Variants in TRPC1 observed in about 807,000 individuals in gnomAD.
The protein encoded by TRPC1 is transient receptor potential cation channel subfamily C member 1.
A neutral mutation model predicts 88.2 loss-of-function variants in TRPC1; 42 were observed. The observed-to-expected ratio is 0.48, with a 90% CI of 0.37 to 0.62. The LOEUF (loss-of-function observed/expected upper bound fraction) is 0.62. Among genes scored for constraint, TRPC1 ranks in the 20% least tolerant of loss-of-function variants. The pLI is 0.00. For synonymous variants in TRPC1, 288 were observed against 331.8 expected (o/e 0.87, Z 1.43); for missense variants, 699 against 957.3 (o/e 0.73, Z 3.56).
chr3:142,742,573 C>T (rs543974524), intron 2 of TRPC1, among the ~76,000 whole-genome samples: 2 of 151,840 alleles, frequency 1.3e-5, no homozygotes, highest in Non-Finnish European at 2.9e-5. Flanking sequence ...TATTAAAGAT[C>T]GATATAGTTT....
rs575528120 is a variant in TRPC1, at chr3:142,804,390, T to C, written c.1960-46T>C. ...TGTGGAAACATCCCCCATATTTGTG[T>C]GTGTATTAATATTCTAGTTTGCTTT... On this transcript the variant is annotated intron_variant, in intron 11 of 12. Transcript: ENST00000476941. 1.2e-5 allele frequency: 18 copies of C among 1,496,196 alleles called. No individual in the cohort carries two copies. In the Admixed American group the frequency reaches 2.9e-4, roughly 24 times the overall value. The allele number at this position is 1,496,196 out of a possible 1,614,324, so 92.7% of individuals were successfully genotyped here. A position where few individuals can be genotyped will look rare whatever the true frequency, so the allele number is the denominator to read the frequency against.
At chr3:142,795,827 TAGAC>T (rs991225386) in intron 9 of TRPC1, among the ~76,000 whole-genome samples, 10 of 152,076 alleles carry the variant, frequency 6.6e-5, no homozygotes, top group East Asian at 1.9e-4. Context: ...CAAAGCTAAA[TAGAC>T]AGGCATTTTT....
intron 1 of TRPC1, among the ~76,000 whole-genome samples, chr3:142,731,374 ATTTTTTTTTTT>A (rs59613066): frequency 1.0e-4 from 8 of 79,522 alleles, no homozygotes; most frequent in Middle Eastern, 8.1e-3. Context: ...ATATGTTTTG[ATTTTTTTTTTT>A]TTTTTTTTTT....
At chr3:142,780,430 T>G (rs1935924220) in intron 5 of TRPC1, among the ~76,000 whole-genome samples, 1 of 152,166 alleles carries the variant, frequency 6.6e-6, no homozygotes, top group Non-Finnish European at 1.5e-5. Flanking sequence ...TTTATGATAA[T>G]GATTGGATAG....
chr3:142,724,486 TGGGGTCGGGGTC>T lies in TRPC1; in HGVS notation c.-63_-52del, dbSNP rs141391048. 25 of 1,384,076 alleles carry T rather than the reference TGGGGTCGGGGTC, an allele frequency of 1.8e-5. No individual in the cohort carries two copies. Among genetic ancestry groups the T allele is most frequent in the African/African-American group, 1.7e-4 (11 of 63,332 alleles). The allele number at this position is 1,384,076 out of a possible 1,614,324, so 85.7% of individuals were successfully genotyped here. ...CCTTTTTCCAGCCCTGGGGCGTGGCTGGGGTCGGGGTCGGGGTCGGGGCCGGTGGGGGCCCCG... is the reference window on the plus strand; with the variant it reads ...CCTTTTTCCAGCCCTGGGGCGTGGCTGGGGTCGGGGCCGGTGGGGGCCCCG... On this transcript the variant is annotated 5_prime_UTR_variant, in exon 1 of 13. Coordinates refer to ENST00000476941, the MANE Select transcript of TRPC1 (RefSeq NM_001251845.2). The surrounding 1 kb of genome is among the most constrained non-coding windows in gnomAD (Gnocchi z 5.6).
chr3:142,805,894 T>A (rs986252728), intron 12 of TRPC1, 114 bp from the exon 13 acceptor site: 1 of 860,362 alleles, frequency 1.2e-6, no homozygotes, highest in African/African-American at 1.7e-5. Context: ...GTAGAAAAAC[T>A]ATAGTCTAAT....
At chr3:142,796,359 T>C (rs1418916055) in intron 9 of TRPC1, among the ~76,000 whole-genome samples, 1 of 152,152 alleles carries the variant, frequency 6.6e-6, no homozygotes, top group Non-Finnish European at 1.5e-5. Flanking sequence ...TAAAAAGTTA[T>C]TCAAGTCACA....
At chr3:142,728,083 C>A (rs1933753670) in intron 1 of TRPC1, among the ~76,000 whole-genome samples, 2 of 151,896 alleles carry the variant, frequency 1.3e-5, no homozygotes, top group African/African-American at 4.8e-5. Context: ...TTAATCAGTT[C>A]ATGTGGAGGA....
chr3:142,726,711 G>A (rs1188247949), intron 1 of TRPC1, among the ~76,000 whole-genome samples: 1 of 152,040 alleles, frequency 6.6e-6, no homozygotes, highest in Admixed American at 6.6e-5. Context: ...GTTTGTATTC[G>A]CTAATATTGT....
chr3:142,726,739 TA>T (rs1361249804), intron 1 of TRPC1, among the ~76,000 whole-genome samples: 1 of 152,200 alleles, frequency 6.6e-6, no homozygotes. Flanking sequence ...TTTAAAATGT[TA>T]CCTAAACCAG....
At chr3:142,764,553 C>CT (rs1019977594) in intron 4 of TRPC1, among the ~76,000 whole-genome samples, 15 of 151,824 alleles carry the variant, frequency 9.9e-5, no homozygotes, top group African/African-American at 3.4e-4. Context: ...GATGGCAGGG[C>CT]TTTTTTTTCC....
In TRPC1 at chr3:142,767,913, T is replaced by G. The variant is rs1412495465; in HGVS notation, c.633-9719T>G. On this transcript the variant is annotated intron_variant, in intron 4 of 12. Transcript: ENST00000476941. This position sits in a 1 kb window ranked among gnomAD's most constrained non-coding sequence, Gnocchi z 5.1. ...TTATTGATGAATTGTGTGTGTATGT[T>G]TTTTTTTTAACTTTTCTGATGGTAT... is the stretch of plus-strand genomic sequence containing the variant. 2.8e-5 allele frequency among the ~76,000 whole-genome samples: 2 copies of G among 70,974 alleles called. No homozygotes were observed. Among genetic ancestry groups the G allele is most frequent in the Admixed American group, 2.1e-4 (2 of 9,336 alleles). The allele number at this position is 70,974 out of a possible 152,430, so 46.6% of individuals were successfully genotyped here. A position where few individuals can be genotyped will look rare whatever the true frequency, so the allele number is the denominator to read the frequency against.
At chr3:142,758,455 G>C (rs1322414606) in intron 4 of TRPC1, among the ~76,000 whole-genome samples, 5 of 152,132 alleles carry the variant, frequency 3.3e-5, no homozygotes, top group African/African-American at 1.2e-4. Context: ...TATCCATTCA[G>C]ATCTTTTGCC....
intron 4 of TRPC1, among the ~76,000 whole-genome samples, chr3:142,766,769 C>T (rs1465227679): frequency 6.6e-6 from 1 of 152,138 alleles, no homozygotes. Context: ...TCTCCTTGCT[C>T]CTCAGCCTGC....
chr3:142,744,100 ATAAAT>A (rs1424775039), intron 3 of TRPC1, among the ~76,000 whole-genome samples: 3 of 152,166 alleles, frequency 2.0e-5, no homozygotes, highest in Non-Finnish European at 4.4e-5. Context: ...AGCATATATC[ATAAAT>A]TAATAATCTT....
At chr3:142,796,838 G>A (rs904097398) in intron 9 of TRPC1, among the ~76,000 whole-genome samples, 2 of 152,018 alleles carry the variant, frequency 1.3e-5, no homozygotes, top group African/African-American at 4.8e-5. Context: ...GGATTGAGGA[G>A]GATAGAAGAG....
rs112049254 is a variant in TRPC1 at position 142,783,926 on chromosome 3, T to A, written c.961-778T>A. Among the ~76,000 whole-genome samples, 1,212 of 152,260 alleles carry A rather than the reference T, an allele frequency of 8.0e-3. 21 individuals carry two copies. The highest frequency in any genetic ancestry group is 0.028 in the African/African-American group (1,170 of 41,556). ...TATTGGAAAAATATTGCCTATGAAA[T>A]TTGTCAACTAAGAAGATTTGTAAAC... On this transcript the variant is annotated intron_variant, in intron 6 of 12. Coordinates refer to ENST00000476941, the MANE Select transcript of TRPC1 (RefSeq NM_001251845.2).
intron 7 of TRPC1, among the ~76,000 whole-genome samples, chr3:142,786,345 A>G (rs900124448): frequency 2.6e-5 from 4 of 152,196 alleles, no homozygotes; most frequent in African/African-American, 4.8e-5. Flanking sequence ...CTCTTTAGCT[A>G]TACAAATACT....
chr3:142,783,085 T>C (rs1936015184), intron 6 of TRPC1, among the ~76,000 whole-genome samples: 1 of 152,234 alleles, frequency 6.6e-6, no homozygotes, highest in Non-Finnish European at 1.5e-5. Context: ...CACCTCTTGA[T>C]GATGGGAAGA....
Sources: gnomAD v4.1 joint callset for allele counts (sites outside exome capture counted in the v4.1 genomes callset) on GRCh38, gnomAD v4.1.1 for gene constraint, Gnocchi (gnomAD v3.1) non-coding constraint, MANE v1.5 for transcripts, NCBI Gene and HGNC (gene_info 2026-07-23, HGNC 2026-07-21) for gene names.